NCKAP5: variants seen among roughly 807,000 people sequenced by gnomAD.
NCKAP5 encodes the protein nck-associated protein 5.
NCKAP5 carries 92 observed loss-of-function variants against 167.0 expected under a neutral mutation model. That is an observed-to-expected ratio of 0.55 (90% confidence interval 0.47 to 0.66). The LOEUF (loss-of-function observed/expected upper bound fraction) is 0.66, where lower values mean the gene tolerates loss of function less well. Ranked by LOEUF, NCKAP5 falls within the 30% of genes least tolerant of loss-of-function variation. The probability of loss-of-function intolerance (pLI) is 0.00; values close to 1 mark genes in which losing one functional copy is unlikely to be tolerated. For missense variants in NCKAP5, 2,378 were observed against 2,315.0 expected, an observed-to-expected ratio of 1.03 and a Z score of -0.56; for synonymous variants, 891 against 877.4, an observed-to-expected ratio of 1.02 and a Z score of -0.27.
chr2:132,951,252 C>A (rs1335002043), intron 8 of NCKAP5, among the ~76,000 whole-genome samples: 1 of 152,136 alleles, frequency 6.6e-6, no homozygotes, highest in African/African-American at 2.4e-5. Flanking sequence ...GGAGGCTGAG[C>A]CTGCCCTGGG....
chr2:133,553,629 G>T (rs1170565415), intron 2 of NCKAP5, among the ~76,000 whole-genome samples: 1 of 152,146 alleles, frequency 6.6e-6, no homozygotes, highest in East Asian at 1.9e-4. Flanking sequence ...AATCACAGAA[G>T]CAGGAAGGAG....
chr2:133,416,644 T>C (rs191993961), intron 3 of NCKAP5, among the ~76,000 whole-genome samples: 145 of 152,046 alleles, frequency 9.5e-4, no homozygotes, highest in Non-Finnish European at 1.8e-3. Context: ...AATAATCTGC[T>C]TTGGCATTAT....
the NCKAP5 span, among the ~76,000 whole-genome samples, chr2:133,639,684 G>C: frequency 6.6e-6 from 1 of 152,082 alleles, no homozygotes; most frequent in Non-Finnish European, 1.5e-5. Flanking sequence ...TTTTGTAGGA[G>C]ACCAGCCCAT....
intron 3 of NCKAP5, among the ~76,000 whole-genome samples, chr2:133,465,484 T>C (rs909475141): frequency 2.6e-5 from 4 of 152,104 alleles, no homozygotes; most frequent in Non-Finnish European, 5.9e-5. Context: ...TGCATGTGTC[T>C]TTATAGCAGC....
the NCKAP5 span, among the ~76,000 whole-genome samples, chr2:133,636,474 T>C: frequency 1.3e-5 from 2 of 152,150 alleles, no homozygotes; most frequent in African/African-American, 4.8e-5. Flanking sequence ...GATTTAGCAA[T>C]AAAGCATCCC....
At chr2:133,178,430 G>A (rs539201855) in intron 5 of NCKAP5, among the ~76,000 whole-genome samples, 10 of 141,000 alleles carry the variant, frequency 7.1e-5, no homozygotes, top group South Asian at 2.3e-4. Flanking sequence ...GCCTGAACCC[G>A]GGAAGTGGAA....
chr2:133,654,324 G>A, the NCKAP5 span, among the ~76,000 whole-genome samples: 1 of 151,982 alleles, frequency 6.6e-6, no homozygotes, highest in Admixed American at 6.6e-5. Flanking sequence ...ATTGCAGTGA[G>A]CCAAGATCGC....
the NCKAP5 span, among the ~76,000 whole-genome samples, chr2:133,648,824 T>C: frequency 0.51 from 76,243 of 149,626 alleles, 21,383 homozygotes; most frequent in East Asian, 0.8. Context: ...CAAATAATCA[T>C]CTAACTTTTT....
At chr2:133,550,365 C>T (rs370166769) in intron 2 of NCKAP5, among the ~76,000 whole-genome samples, 21 of 150,272 alleles carry the variant, frequency 1.4e-4, no homozygotes, top group African/African-American at 3.7e-4. Flanking sequence ...ACTGGCAAAA[C>T]GAATCCAGCA....
intron 9 of NCKAP5, 56 bp from the exon 10 acceptor site, chr2:132,869,030 G>T (rs893316818): frequency 4.0e-6 from 5 of 1,263,996 alleles, no homozygotes; most frequent in South Asian, 1.4e-5. Context: ...TATATGCACC[G>T]ACTCTAATTT....
the NCKAP5 span, among the ~76,000 whole-genome samples, chr2:133,671,622 G>C: frequency 6.6e-6 from 1 of 152,074 alleles, no homozygotes. Context: ...CCCAGCAAAA[G>C]GCTGTCATCA....
chr2:133,500,908 C>A (rs1314182631), intron 3 of NCKAP5, among the ~76,000 whole-genome samples: 1 of 152,072 alleles, frequency 6.6e-6, no homozygotes, highest in Non-Finnish European at 1.5e-5. Context: ...GGAAGGGGTC[C>A]CTATGCTTGA....
intron 2 of NCKAP5, among the ~76,000 whole-genome samples, chr2:133,557,313 T>C (rs1403931656): frequency 6.6e-6 from 1 of 152,154 alleles, no homozygotes; most frequent in Non-Finnish European, 1.5e-5. Context: ...GGCACAACTT[T>C]TCCTAGATAA....
chr2:132,674,280 T>G (rs1357493030), intron 19 of NCKAP5, among the ~76,000 whole-genome samples: 1 of 152,196 alleles, frequency 6.6e-6, no homozygotes, highest in Non-Finnish European at 1.5e-5. Context: ...TAACAGATTC[T>G]ATCAGCTTTT....
intron 19 of NCKAP5, among the ~76,000 whole-genome samples, chr2:132,691,584 G>C (rs1381038802): frequency 3.3e-5 from 5 of 152,124 alleles, no homozygotes; most frequent in Non-Finnish European, 7.3e-5. Context: ...GACAGAGCAA[G>C]AGAATCACCA....
intron 19 of NCKAP5, among the ~76,000 whole-genome samples, chr2:132,709,260 C>T (rs899011388): frequency 2.6e-5 from 4 of 151,780 alleles, no homozygotes; most frequent in African/African-American, 9.7e-5. Context: ...AAAACAGAAA[C>T]ATCAAAAATG....
At position 133,413,404 on chromosome 2, in the gene NCKAP5, G is replaced by A. The variant is rs150832399; in HGVS notation, c.69+104054C>T. On this transcript the variant is annotated intron_variant, in intron 3 of 19. Coordinates refer to ENST00000409261, the MANE Select transcript of NCKAP5 (RefSeq NM_207363.3). Reference sequence around the variant, plus strand: ...TAGGCTAATGCTAGCCCTCAAATGTGTTGTGATTGGCCTGTACAGAGTTTA... The same window carrying A: ...TAGGCTAATGCTAGCCCTCAAATGTATTGTGATTGGCCTGTACAGAGTTTA... Among the ~76,000 whole-genome samples the A allele has an allele frequency of 4.8e-3, 731 of 152,282 alleles. 4 individuals are homozygous for A. Among genetic ancestry groups the A allele is most frequent in the Middle Eastern group, 0.017 (5 of 292 alleles).
intron 18 of NCKAP5, among the ~76,000 whole-genome samples, chr2:132,726,914 GTCCAGACC>G (rs1690505981): frequency 6.6e-6 from 1 of 152,214 alleles, no homozygotes; most frequent in Non-Finnish European, 1.5e-5. Context: ...GGTAACGTGT[GTCCAGACC>G]TCCAAAAGGA....
chr2:133,525,662 T>G (rs1365943314), intron 2 of NCKAP5, among the ~76,000 whole-genome samples: 1 of 152,212 alleles, frequency 6.6e-6, no homozygotes, highest in East Asian at 1.9e-4. Flanking sequence ...AATCCACCCT[T>G]TTAAGTATAC....
Sources: gnomAD v4.1 joint callset for allele counts (sites outside exome capture counted in the v4.1 genomes callset) on GRCh38, gnomAD v4.1.1 for gene constraint, MANE v1.5 for transcripts, NCBI Gene and HGNC (gene_info 2026-07-23, HGNC 2026-07-21) for gene names.